The following PER2 variants were observed in gnomAD, a reference collection of about 807,000 sequenced individuals.
The protein encoded by PER2 is period circadian regulator 2.
A neutral mutation model predicts 121.0 loss-of-function variants in PER2; 66 were observed. That is an observed-to-expected ratio of 0.55 (90% CI 0.45 to 0.67). The LOEUF is 0.67. Ranked by LOEUF, PER2 falls within the 30% of genes least tolerant of loss-of-function variation. The pLI is 0.00. For missense variants in PER2, 1,521 were observed against 1,635.0 expected, an observed-to-expected ratio of 0.93 and a Z score of 1.20; for synonymous variants, 684 against 659.9, an observed-to-expected ratio of 1.04 and a Z score of -0.56.
At position 238,253,311 on chromosome 2, in the gene PER2, C is replaced by T. The variant is rs764869293; in HGVS notation, c.2712G>A (p.Met904Ile). Residue 904 changes from methionine (M) to isoleucine (I), a missense_variant, in exon 19 of 23, where the codon ATG (methionine) becomes ATA (isoleucine). Met to Ile is a conservative substitution (Grantham distance 10). Transcript: ENST00000254657. The surrounding 1 kb of genome is among the most constrained non-coding windows in gnomAD (Gnocchi z 5.6). ...AGGAATAACTGGGTAGCATGAATGC[C>T]ATGACAGGCGCCAAAGGGGCAGGGA... ...PPFPAPLAPV[M>I]AFMLPSYSFP... 6.2e-7 allele frequency: 1 copy of T among 1,613,650 alleles called. No homozygotes were observed. Among genetic ancestry groups the T allele is most frequent in the Non-Finnish European group, 8.5e-7 (1 of 1,179,778 alleles).
Position 238,271,297 on chromosome 2 carries a change from C to T in PER2, c.772+15G>A. 1 of 1,610,072 alleles carries T rather than the reference C, an allele frequency of 6.2e-7. No homozygotes were observed. The highest frequency in any genetic ancestry group is 1.1e-5 in the South Asian group (1 of 90,960). On this transcript the variant is annotated intron_variant, in intron 6 of 22. Coordinates refer to ENST00000254657, the MANE Select transcript of PER2 (RefSeq NM_022817.3). ...CGACCCCAGAGGGAACAAGGCACTA[C>T]CTCGATAACCTCACCTGCTCCACTG...
At chr2:238,250,298 G>C (rs1287562363) in intron 21 of PER2, among the ~76,000 whole-genome samples, 1 of 152,272 alleles carries the variant, frequency 6.6e-6, no homozygotes, top group Non-Finnish European at 1.5e-5. Flanking sequence ...CCAGGAGCCT[G>C]TCTTCCTCGA....
intron 20 of PER2, 33 bp from the exon 21 acceptor site, chr2:238,250,776 A>G: frequency 6.9e-7 from 1 of 1,455,824 alleles, no homozygotes; most frequent in East Asian, 2.3e-5. Flanking sequence ...GCGTCAAAAC[A>G]TTGACATATG....
Position 238,251,626 on chromosome 2 carries a change from C to T in PER2, c.3247G>A (p.Gly1083Ser). The T allele has an allele frequency of 6.2e-7, 1 of 1,614,050 alleles. No individual in the cohort carries two copies. The highest frequency in any genetic ancestry group is 2.2e-5 in the East Asian group (1 of 44,898). Residue 1083 changes from glycine to serine, a missense_variant, in exon 20 of 23, where the codon GGC becomes AGC. Coordinates refer to ENST00000254657, the MANE Select transcript of PER2 (RefSeq NM_022817.3). ...GCCCCACTCGGGGAGGCGTCGCAGC[C>T]CAGTGAGCCGGAGCCCAGAGACTCC... ...ASESLGSGSL[G>S]CDASPSGAGS...
At chr2:238,293,772 G>A (rs1438505926), upstream of PER2, among the ~76,000 whole-genome samples, 1 of 151,474 alleles carries the variant, frequency 6.6e-6, no homozygotes, top group Non-Finnish European at 1.5e-5. Flanking sequence ...AAAAAAGAAA[G>A]AAAAACCAAG....
At chr2:238,276,568 T>C (rs771185516) in intron 3 of PER2, among the ~76,000 whole-genome samples, 1 of 152,046 alleles carries the variant, frequency 6.6e-6, no homozygotes, top group Non-Finnish European at 1.5e-5. Flanking sequence ...TCCTGGGACA[T>C]AAAAGTGAGC....
chr2:238,289,257 G>C (rs993012089), upstream of PER2: 18 of 152,204 alleles, frequency 1.2e-4, no homozygotes, highest in South Asian at 8.3e-4. Context: ...GAAAGTCCGC[G>C]CGGCATGCTT....
chr2:238,263,477 T>C (rs1022285477), intron 9 of PER2, among the ~76,000 whole-genome samples: 1 of 152,190 alleles, frequency 6.6e-6, no homozygotes, highest in Non-Finnish European at 1.5e-5. Flanking sequence ...TTTTCCAGCC[T>C]GGTCTCGTGT....
intron 1 of PER2, among the ~76,000 whole-genome samples, chr2:238,283,609 C>T (rs1340612784): frequency 1.3e-5 from 2 of 152,348 alleles, no homozygotes; most frequent in East Asian, 1.9e-4. Flanking sequence ...AAGGCCAGAT[C>T]ACGGAGTGCC....
In PER2 at chr2:238,277,729, C is replaced by T; in HGVS notation, c.208G>A (p.Glu70Lys). The T allele has an allele frequency of 1.2e-6, 2 of 1,614,200 alleles. No homozygotes were observed. Among genetic ancestry groups the T allele is most frequent in the Non-Finnish European group, 1.7e-6 (2 of 1,180,036 alleles). ...DSGKELGMLVEPPDARQSPDT... is the reference protein window; with the variant it reads ...DSGKELGMLVKPPDARQSPDT... ...CACCTCTGGCGGGCATCCGGTGGCTCCACCAGCATCCCCAGCTCCTTCCCA... is the reference window on the plus strand; with the variant it reads ...CACCTCTGGCGGGCATCCGGTGGCTTCACCAGCATCCCCAGCTCCTTCCCA... Residue 70 changes from glutamate (E) to lysine (K), a missense_variant, in exon 2 of 23, where the codon GAG becomes AAG. Transcript: ENST00000254657.
Position 238,263,004 on chromosome 2 carries a change from G to C in PER2, c.1101C>G (p.Leu367=). The C allele has an allele frequency of 6.2e-7, 1 of 1,614,052 alleles. No individual in the cohort carries two copies. The highest frequency in any genetic ancestry group is 8.5e-7 in the Non-Finnish European group (1 of 1,179,950). ...GCCTGTCACTAGGGTGGAGCTGCACGAGCACTGGGGTTTCAATCAGGTCCT... is the reference window on the plus strand; with the variant it reads ...GCCTGTCACTAGGGTGGAGCTGCACCAGCACTGGGGTTTCAATCAGGTCCT... ...LPQDLIETPV[L]VQLHPSDRPL... is the part of the protein sequence containing the mutation. The change falls in exon 10 of 23, where the codon CTC becomes CTG. Residue 367 remains leucine, a synonymous_variant. Transcript: ENST00000254657.
chr2:238,288,915 G>A (rs1440313737), upstream of PER2, among the ~76,000 whole-genome samples: 1 of 152,170 alleles, frequency 6.6e-6, no homozygotes, highest in Non-Finnish European at 1.5e-5. Flanking sequence ...ATTGGTGGCC[G>A]CGCCCGTCGC....
chr2:238,267,049 T>TA (rs57177821), intron 8 of PER2, among the ~76,000 whole-genome samples: 6,869 of 104,428 alleles, frequency 0.066, 533 homozygotes, highest in African/African-American at 0.18. Context: ...CTCCATCTCT[T>TA]AAAAAAAAAA....
chr2:238,246,389 C>T lies in PER2; in HGVS notation c.3754G>A (p.Glu1252Lys), dbSNP rs750332678. The change falls in exon 23 of 23, where the codon GAA becomes AAA. Residue 1252 changes from glutamate to lysine, a missense_variant. Transcript: ENST00000254657. ...ENGSPLNHRI[E>K]EQT Reference sequence around the variant, plus strand: ...TGGGGCAGGGGTTACGTCTGCTCTTCGATCCTGTGATTCAAGGGGGATCCA... The same window carrying T: ...TGGGGCAGGGGTTACGTCTGCTCTTTGATCCTGTGATTCAAGGGGGATCCA... The T allele has an allele frequency of 2.0e-5, 32 of 1,609,624 alleles. No individual in the cohort carries two copies. The highest frequency in any genetic ancestry group is 2.7e-5 in the African/African-American group (2 of 74,842).
intron 18 of PER2, among the ~76,000 whole-genome samples, chr2:238,254,480 C>T (rs1001653412): frequency 6.6e-6 from 1 of 152,234 alleles, no homozygotes; most frequent in African/African-American, 2.4e-5. Context: ...GGGAAATGGG[C>T]TAGTCCAAGG....
chr2:238,293,763 AAAAAG>A (rs1352219998), upstream of PER2, among the ~76,000 whole-genome samples: 1 of 149,702 alleles, frequency 6.7e-6, no homozygotes, highest in Non-Finnish European at 1.5e-5. Flanking sequence ...GAAAAAGAAA[AAAAAG>A]AAAGAAAAAC....
At chr2:238,288,821 C>T (rs1696877180), upstream of PER2, among the ~76,000 whole-genome samples, 1 of 152,016 alleles carries the variant, frequency 6.6e-6, no homozygotes, top group African/African-American at 2.4e-5. Flanking sequence ...GCGCGCGCCG[C>T]GCCCGCCCCC....
intron 1 of PER2, among the ~76,000 whole-genome samples, chr2:238,278,495 C>T (rs1186156221): frequency 6.6e-6 from 1 of 152,220 alleles, no homozygotes; most frequent in African/African-American, 2.4e-5. Context: ...CTCAGCCCGA[C>T]ATAGAGCTGC....
chr2:238,267,658 C>T (rs1371500209), intron 8 of PER2, among the ~76,000 whole-genome samples: 1 of 152,138 alleles, frequency 6.6e-6, no homozygotes, highest in Non-Finnish European at 1.5e-5. Flanking sequence ...CAGGCAGCGA[C>T]ATCAGTGCCC....
Sources: gnomAD v4.1 joint callset for allele counts (sites outside exome capture counted in the v4.1 genomes callset) on GRCh38, gnomAD v4.1.1 for gene constraint, Gnocchi (gnomAD v3.1) non-coding constraint, MANE v1.5 for transcripts, NCBI Gene and HGNC (gene_info 2026-07-23, HGNC 2026-07-21) for gene names.